Variants in CBLB observed in about 807,000 individuals in gnomAD.
CBLB encodes the protein E3 ubiquitin-protein ligase CBL-B.
Under a neutral mutation model 104.9 loss-of-function variants are expected in CBLB, and 31 were observed. The ratio of observed to expected loss-of-function variants is 0.30; its 90% CI spans 0.22 to 0.40. The LOEUF is 0.40. Among genes scored for constraint, CBLB ranks in the 10% least tolerant of loss-of-function variants. CBLB has a pLI of 1.00. For synonymous variants in CBLB, 440 were observed against 422.6 expected (o/e 1.04, Z -0.51); for missense variants, 1,062 against 1,214.6 (o/e 0.87, Z 1.87).
Position 105,678,453 on chromosome 3 carries a change from C to T in CBLB, c.2547G>A (p.Gln849=). 2 of 1,614,058 alleles carry T rather than the reference C, an allele frequency of 1.2e-6. No homozygotes were observed. The highest frequency in any genetic ancestry group is 1.7e-6 in the Non-Finnish European group (2 of 1,179,984). ...TACCTGAAGGAAGAAGAAAAAGATC[C>T]TGTCCTGAGGATGGCCGGCTACTGG... ...PGSSSRPSSG[Q]DLFLLPSDPF... Residue 849 remains glutamine (Q), a synonymous_variant, in exon 17 of 19, where the codon CAG becomes CAA. Coordinates refer to ENST00000394030, the MANE Select transcript of CBLB (RefSeq NM_170662.5).
At chr3:105,793,731 C>G (rs1159666801) in intron 3 of CBLB, among the ~76,000 whole-genome samples, 1 of 152,108 alleles carries the variant, frequency 6.6e-6, no homozygotes, top group East Asian at 1.9e-4. Flanking sequence ...TGCTAAGGAA[C>G]TCATCAGGAG....
Position 105,868,801 on chromosome 3 carries a change from CAGTGTGTGTGGGGAGCCCCGGCTGGG to C in CBLB, c.-106_-81del. On this transcript the variant is annotated 5_prime_UTR_variant, in exon 1 of 19. Coordinates refer to ENST00000394030, the MANE Select transcript of CBLB (RefSeq NM_170662.5). ...GGTCCCACTCCACACGCACGCAGCC[CAGTGTGTGTGGGGAGCCCCGGCTGGG>C]AGTGGGATCGCTGAGAACAGCTCGC... 32 of 992,564 alleles carry C rather than the reference CAGTGTGTGTGGGGAGCCCCGGCTGGG, an allele frequency of 3.2e-5. No homozygotes were observed. The highest frequency in any genetic ancestry group is 3.8e-5 in the Non-Finnish European group (32 of 834,876). 61.5% of individuals were successfully genotyped at this position (992,564 alleles called of 1,614,324 possible). A position where few individuals can be genotyped will look rare whatever the true frequency, so the allele number is the denominator to read the frequency against.
intron 16 of CBLB, 55 bp from the exon 17 acceptor site, chr3:105,678,626 C>T (rs541987321): frequency 2.0e-5 from 30 of 1,522,042 alleles, no homozygotes; most frequent in Admixed American, 1.1e-4. Flanking sequence ...TCAAAATACA[C>T]AGCATCTAAC....
Position 105,658,575 on chromosome 3 carries a change from C to T in CBLB, c.*395G>A, listed in dbSNP as rs898785366. 3.6e-5 allele frequency: 10 copies of T among 279,110 alleles called. No individual in the cohort carries two copies. The highest frequency in any genetic ancestry group is 6.2e-5 in the Non-Finnish European group (9 of 145,492). The allele number at this position is 279,110 out of a possible 1,614,324, so 17.3% of individuals were successfully genotyped here. A position where few individuals can be genotyped will look rare whatever the true frequency, so the allele number is the denominator to read the frequency against. On this transcript the variant is annotated 3_prime_UTR_variant, in exon 19 of 19. Transcript: ENST00000394030. ...GTGGGAAATGTTACAGCAGACCTGA[C>T]CACGCTACAAAGGGTCTGTGAAGAA...
chr3:105,686,305 G>T (rs545878264), intron 13 of CBLB, among the ~76,000 whole-genome samples: 7 of 152,262 alleles, frequency 4.6e-5, no homozygotes, highest in African/African-American at 1.7e-4. Context: ...AATGAAAAAT[G>T]CCAAGGCAGA....
chr3:105,785,671 A>T (rs919878291), intron 3 of CBLB, among the ~76,000 whole-genome samples: 9 of 152,214 alleles, frequency 5.9e-5, no homozygotes, highest in Non-Finnish European at 1.5e-5. Context: ...GGAATAGGAC[A>T]AGTAAAATAC....
chr3:105,676,448 CTTTA>C (rs1465051448), intron 17 of CBLB, among the ~76,000 whole-genome samples: 1 of 152,132 alleles, frequency 6.6e-6, no homozygotes, highest in Middle Eastern at 3.4e-3. Context: ...GAAAGCTTGA[CTTTA>C]TTTGTCAGAA....
intron 3 of CBLB, among the ~76,000 whole-genome samples, chr3:105,777,046 A>T (rs1348620421): frequency 6.6e-6 from 1 of 152,212 alleles, no homozygotes; most frequent in East Asian, 1.9e-4. Flanking sequence ...AACAGCATGT[A>T]CAAAAGTACT....
chr3:105,850,653 CAATA>C (rs2090825593), intron 3 of CBLB, among the ~76,000 whole-genome samples: 1 of 152,028 alleles, frequency 6.6e-6, no homozygotes, highest in South Asian at 2.1e-4. Flanking sequence ...AATGGCCAAA[CAATA>C]AACTTGAATG....
Position 105,776,531 on chromosome 3 carries a change from G to A in CBLB, c.431C>T (p.Thr144Ile). ...EEQSQDRRNL[T>I]KLSLIFSHML... ...GTGACTGAAGATAAGGGACAGTTTT[G>A]TGAGATTTCGTCTGTAGGCACAAGG... The change falls in exon 4 of 19, where the codon ACA (threonine) becomes ATA (isoleucine). Residue 144 changes from threonine to isoleucine, a missense_variant. Thr to Ile is a moderately conservative substitution (Grantham distance 89, BLOSUM62 -1). Transcript: ENST00000394030. The A allele has an allele frequency of 6.2e-7, 1 of 1,613,710 alleles. No homozygotes were observed.
chr3:105,819,172 A>G (rs1421492850), intron 3 of CBLB, among the ~76,000 whole-genome samples: 2 of 152,358 alleles, frequency 1.3e-5, no homozygotes, highest in South Asian at 2.1e-4. Context: ...AAGTTGGAGC[A>G]TAAATTAACA....
At chr3:105,846,961 T>C (rs2090331873) in intron 3 of CBLB, among the ~76,000 whole-genome samples, 1 of 152,082 alleles carries the variant, frequency 6.6e-6, no homozygotes, top group Admixed American at 6.6e-5. Context: ...ATTTAAGCAT[T>C]TAAATTAATA....
At chr3:105,769,881 G>A (rs543406319) in intron 4 of CBLB, among the ~76,000 whole-genome samples, 1 of 152,280 alleles carries the variant, frequency 6.6e-6, no homozygotes, top group Non-Finnish European at 1.5e-5. Flanking sequence ...AGAACAATAG[G>A]ATAGGTTGTT....
At chr3:105,787,468 C>A (rs560254608) in intron 3 of CBLB, among the ~76,000 whole-genome samples, 1 of 152,106 alleles carries the variant, frequency 6.6e-6, no homozygotes, top group Non-Finnish European at 1.5e-5. Context: ...GTGGTACATA[C>A]GTTCTATGGC....
chr3:105,670,149 T>C lies in CBLB; in HGVS notation c.2689+84A>G, dbSNP rs1559752637. The C allele has an allele frequency of 2.5e-5, 29 of 1,145,810 alleles. 1 individual carries two copies. The highest frequency in any genetic ancestry group is 3.3e-5 in the Non-Finnish European group (25 of 767,426). 71.0% of individuals were successfully genotyped at this position (1,145,810 alleles called of 1,614,324 possible). ...TGGGTGGACAACATTCATTAAATTATATAATGAATAAGAAGGTGTTCTGAA... is the reference window on the plus strand; with the variant it reads ...TGGGTGGACAACATTCATTAAATTACATAATGAATAAGAAGGTGTTCTGAA... On this transcript the variant is annotated intron_variant, in intron 18 of 18. Coordinates refer to ENST00000394030, the MANE Select transcript of CBLB (RefSeq NM_170662.5).
At chr3:105,711,354 CAT>C (rs1244704451) in intron 10 of CBLB, among the ~76,000 whole-genome samples, 1 of 151,966 alleles carries the variant, frequency 6.6e-6, no homozygotes, top group African/African-American at 2.4e-5. Context: ...ACTTTTATCA[CAT>C]GATAAAATAG....
chr3:105,754,531 G>GAGAGAGAGAC (rs1560097063), intron 4 of CBLB, among the ~76,000 whole-genome samples: 59 of 127,622 alleles, frequency 4.6e-4, no homozygotes, highest in Non-Finnish European at 6.5e-4. Flanking sequence ...GACAGAGAGA[G>GAGAGAGAGAC]AGAGAGAGAG....
At chr3:105,869,311 G>T (rs761988825), upstream of CBLB, 22 of 1,146,038 alleles carry the variant, frequency 1.9e-5, 1 homozygote, top group South Asian at 2.7e-4. Context: ...AATGGACGAA[G>T]GGATGCAAGG....
At position 105,853,555 on chromosome 3, in the gene CBLB, T is replaced by C. The variant is rs751322929; in HGVS notation, c.278A>G (p.Asp93Gly). ...GAGTTGGGCAAGTTTCTGGTTGTCA[T>C]CATATTTACTCAATATAAGTCGTAA... Reference protein sequence around the residue: ...QHLRLILSKYDDNQKLAQLSE... With the variant: ...QHLRLILSKYGDNQKLAQLSE... Residue 93 changes from aspartate to glycine, a missense_variant, in exon 3 of 19, where the codon GAT becomes GGT. Physicochemically the swap from Asp to Gly is moderately conservative, Grantham distance 94. Coordinates refer to ENST00000394030, the MANE Select transcript of CBLB (RefSeq NM_170662.5). 2.5e-6 allele frequency: 4 copies of C among 1,613,266 alleles called. No individual in the cohort carries two copies. The highest frequency in any genetic ancestry group is 2.5e-6 in the Non-Finnish European group (3 of 1,179,480).
Sources: gnomAD v4.1 joint callset for allele counts (sites outside exome capture counted in the v4.1 genomes callset) on GRCh38, gnomAD v4.1.1 for gene constraint, MANE v1.5 for transcripts, NCBI Gene and HGNC (gene_info 2026-07-23, HGNC 2026-07-21) for gene names.